The following GRAMD1C variants were observed in gnomAD, a reference collection of about 807,000 sequenced individuals.
The protein encoded by GRAMD1C is GRAM domain containing 1C.
A neutral mutation model predicts 97.8 loss-of-function variants in GRAMD1C; 89 were observed. The observed-to-expected ratio is 0.91, with a 90% CI of 0.77 to 1.09. GRAMD1C has a LOEUF of 1.09. GRAMD1C is among the 50% of genes least tolerant of loss of function. The pLI is 0.00. For missense variants in GRAMD1C, 740 were observed against 766.4 expected (o/e 0.97, Z 0.41); for synonymous variants, 256 against 267.0 (o/e 0.96, Z 0.40).
intron 1 of GRAMD1C, among the ~76,000 whole-genome samples, chr3:113,839,235 C>A (rs1709712535): frequency 1.3e-5 from 2 of 152,158 alleles, no homozygotes; most frequent in Non-Finnish European, 2.9e-5. Flanking sequence ...GGTCAGGCCC[C>A]ATGGTCGTGA....
rs551309634 is a variant in GRAMD1C, at chr3:113,945,605, T to C, written c.*127T>C. The C allele has an allele frequency of 1.2e-5, 7 of 600,292 alleles. No individual in the cohort carries two copies. The South Asian group carries it at 1.3e-4, about 11-fold the overall frequency. The allele number at this position is 600,292 out of a possible 1,614,324, so 37.2% of individuals were successfully genotyped here. On this transcript the variant is annotated 3_prime_UTR_variant, in exon 18 of 18. Transcript: ENST00000358160. Reference sequence around the variant, plus strand: ...TTTTTCATTATTGAGATTTCTAATATGAACATTTCTTTCAGTAACATTTAT... The same window carrying C: ...TTTTTCATTATTGAGATTTCTAATACGAACATTTCTTTCAGTAACATTTAT...
chr3:113,878,058 G>A (rs1279022911), intron 5 of GRAMD1C, among the ~76,000 whole-genome samples: 3 of 152,184 alleles, frequency 2.0e-5, no homozygotes, highest in African/African-American at 7.2e-5. Flanking sequence ...GGGATTACAA[G>A]TGTGAGCCAC....
At chr3:113,890,911 C>T (rs1577171322) in intron 6 of GRAMD1C, 2 of 534,946 alleles carry the variant, frequency 3.7e-6, no homozygotes, top group East Asian at 3.0e-5. Flanking sequence ...TTCCAGAATA[C>T]TGGAGGCCAC....
At chr3:113,935,433 G>A (rs912475558) in intron 13 of GRAMD1C, among the ~76,000 whole-genome samples, 1 of 151,836 alleles carries the variant, frequency 6.6e-6, no homozygotes, top group Non-Finnish European at 1.5e-5. Context: ...AGACTGACTG[G>A]GGAAAACGAT....
chr3:113,890,568 C>G, intron 6 of GRAMD1C: 1 of 560,822 alleles, frequency 1.8e-6, no homozygotes, highest in Non-Finnish European at 3.2e-6. Context: ...TCTATTCTAG[C>G]ACTGGCTGAA....
chr3:113,829,606 A>T (rs997659304), intron 1 of GRAMD1C, among the ~76,000 whole-genome samples: 2 of 152,210 alleles, frequency 1.3e-5, no homozygotes, highest in African/African-American at 4.8e-5. Context: ...TTGCAAGAAT[A>T]GTGCAAAGGC....
upstream of GRAMD1C, among the ~76,000 whole-genome samples, chr3:113,835,695 G>T (rs1211452111): frequency 1.3e-5 from 2 of 152,208 alleles, no homozygotes; most frequent in Non-Finnish European, 2.9e-5. Flanking sequence ...GCAGCAGTCA[G>T]TCATATTAGT....
At position 113,869,608 on chromosome 3, in the gene GRAMD1C, C is replaced by T. The variant is rs1460558981; in HGVS notation, c.259+17C>T. ...TGATAGCAGGTAAAATAGAAATTTT[C>T]AAAAAAAAGTTTTATTACCTCATTA... On this transcript the variant is annotated intron_variant, in intron 3 of 17. Transcript: ENST00000358160. 4 of 1,216,848 alleles carry T rather than the reference C, an allele frequency of 3.3e-6. No homozygotes were observed. The highest frequency in any genetic ancestry group is 4.7e-6 in the Non-Finnish European group (4 of 850,450). The allele number at this position is 1,216,848 out of a possible 1,614,324, so 75.4% of individuals were successfully genotyped here. A position where few individuals can be genotyped will look rare whatever the true frequency, so the allele number is the denominator to read the frequency against.
At chr3:113,909,874 T>G (rs1257920211) in intron 9 of GRAMD1C, among the ~76,000 whole-genome samples, 4 of 150,350 alleles carry the variant, frequency 2.7e-5, no homozygotes, top group African/African-American at 7.4e-5. Flanking sequence ...GATGCAAGCT[T>G]TTGACTGTGG....
rs112145891 is a variant in GRAMD1C, at chr3:113,868,171, T to G, written c.175-1336T>G. On this transcript the variant is annotated intron_variant, in intron 2 of 17. Coordinates refer to ENST00000358160, the MANE Select transcript of GRAMD1C (RefSeq NM_017577.5). ...CTATTTGCTTAGGTTCTTTACTTGTTGAGTCATTGTTGTCATACTTTCCTT... is the reference window on the plus strand; with the variant it reads ...CTATTTGCTTAGGTTCTTTACTTGTGGAGTCATTGTTGTCATACTTTCCTT... 5.8e-3 allele frequency among the ~76,000 whole-genome samples: 876 copies of G among 152,306 alleles called. 10 individuals are homozygous for G. The highest frequency in any genetic ancestry group is 0.02 in the African/African-American group (837 of 41,578).
At chr3:113,910,378 G>A (rs912058693) in intron 9 of GRAMD1C, among the ~76,000 whole-genome samples, 2 of 152,260 alleles carry the variant, frequency 1.3e-5, no homozygotes, top group Admixed American at 1.3e-4. Flanking sequence ...GTGAGACTCC[G>A]TCTCAAAAAA....
intron 2 of GRAMD1C, among the ~76,000 whole-genome samples, chr3:113,850,902 A>C (rs1933872867): frequency 6.6e-6 from 1 of 150,792 alleles, no homozygotes; most frequent in African/African-American, 2.4e-5. Context: ...CCCCGGGTTC[A>C]CACCATTCTC....
At chr3:113,918,242 T>G (rs1458262979) in intron 10 of GRAMD1C, among the ~76,000 whole-genome samples, 1 of 152,188 alleles carries the variant, frequency 6.6e-6, no homozygotes, top group African/African-American at 2.4e-5. Flanking sequence ...AATATTTAAC[T>G]TATTATATTT....
chr3:113,849,090 C>T (rs1461799728), intron 2 of GRAMD1C, among the ~76,000 whole-genome samples: 1 of 151,964 alleles, frequency 6.6e-6, no homozygotes, highest in Non-Finnish European at 1.5e-5. Context: ...GCAAGGCAGA[C>T]AAAGATCTGC....
chr3:113,879,013 T>C (rs553455097), intron 5 of GRAMD1C, among the ~76,000 whole-genome samples: 5 of 152,144 alleles, frequency 3.3e-5, no homozygotes, highest in Admixed American at 3.3e-4. Context: ...GAGACCAGCC[T>C]GGCCAAAATG....
At chr3:113,891,470 A>G (rs1935721180) in intron 6 of GRAMD1C, among the ~76,000 whole-genome samples, 1 of 151,978 alleles carries the variant, frequency 6.6e-6, no homozygotes, top group Non-Finnish European at 1.5e-5. Context: ...AAATTTCTTG[A>G]TCTTGTGTAA....
intron 6 of GRAMD1C, among the ~76,000 whole-genome samples, chr3:113,894,943 C>T (rs1935877849): frequency 6.6e-6 from 1 of 152,060 alleles, no homozygotes; most frequent in Admixed American, 6.6e-5. Context: ...TCCTATTCCT[C>T]AGGTGTGTTG....
upstream of GRAMD1C, among the ~76,000 whole-genome samples, chr3:113,835,717 C>T (rs2108061569): frequency 6.6e-6 from 1 of 152,274 alleles, no homozygotes. Flanking sequence ...AGCATAGGGA[C>T]ATAGTCATTT....
chr3:113,918,854 G>A (rs1402959579), intron 10 of GRAMD1C, among the ~76,000 whole-genome samples: 1 of 151,936 alleles, frequency 6.6e-6, no homozygotes, highest in Admixed American at 6.6e-5. Flanking sequence ...CACAATGCCC[G>A]GCCAATTTTA....
Sources: allele counts gnomAD v4.1 joint callset (sites outside exome capture counted in the v4.1 genomes callset), GRCh38; gene constraint gnomAD v4.1.1; transcripts MANE v1.5; gene names NCBI Gene and HGNC (gene_info 2026-07-23, HGNC 2026-07-21).